PCDHA4: variants seen among roughly 807,000 people sequenced by gnomAD.
PCDHA4 encodes protocadherin alpha 4.
A neutral mutation model predicts 61.4 loss-of-function variants in PCDHA4; 49 were observed. That is an observed-to-expected ratio of 0.80 (90% CI 0.63 to 1.01). PCDHA4 has a LOEUF of 1.01. Ranked by LOEUF, PCDHA4 falls within the 50% of genes least tolerant of loss-of-function variation. The pLI, the probability that PCDHA4 is intolerant of heterozygous loss-of-function variation, is 0.00. For missense variants in PCDHA4, 1,254 were observed against 1,235.8 expected (o/e 1.01, Z -0.22); for synonymous variants, 590 against 550.3 (o/e 1.07, Z -1.01).
At chr5:140,946,631 T>TATACAC (rs57893927) in intron 1 of PCDHA4, among the ~76,000 whole-genome samples, 2 of 131,842 alleles carry the variant, frequency 1.5e-5, no homozygotes, top group Non-Finnish European at 3.1e-5. Flanking sequence ...TATATATATA[T>TATACAC]ACAATGGAAT....
chr5:140,930,769 T>G (rs1373924244), intron 1 of PCDHA4, among the ~76,000 whole-genome samples: 2 of 152,214 alleles, frequency 1.3e-5, no homozygotes, highest in Non-Finnish European at 2.9e-5. Context: ...TTTTCTGTAC[T>G]TAATATTTTC....
chr5:140,939,789 A>G (rs1259994967), intron 1 of PCDHA4, among the ~76,000 whole-genome samples: 1 of 152,246 alleles, frequency 6.6e-6, no homozygotes, highest in Non-Finnish European at 1.5e-5. Context: ...GTCAATTTCT[A>G]TAAATGTTCT....
chr5:140,858,149 G>C, intron 1 of PCDHA4: 1 of 1,597,572 alleles, frequency 6.3e-7, no homozygotes, highest in Non-Finnish European at 8.6e-7. Context: ...CCTGATCATC[G>C]CCATCTGCGC....
At chr5:140,827,002 C>T (rs1769143611) in intron 1 of PCDHA4, among the ~76,000 whole-genome samples, 2 of 152,060 alleles carry the variant, frequency 1.3e-5, no homozygotes, top group Non-Finnish European at 2.9e-5. Context: ...ATGGGAAATG[C>T]TCATGTCATT....
At chr5:140,816,978 A>G (rs1367187399) in intron 1 of PCDHA4, 1 of 152,086 alleles carries the variant, frequency 6.6e-6, no homozygotes, top group African/African-American at 2.4e-5. Flanking sequence ...GCCCACTAAA[A>G]TTCAGGAACT....
intron 1 of PCDHA4, chr5:140,927,923 CTCT>C: frequency 6.2e-7 from 1 of 1,614,232 alleles, no homozygotes; most frequent in East Asian, 2.2e-5. Context: ...GACTTCCTGA[CTCT>C]TTCGAACCCA....
At chr5:140,966,568 G>A (rs2096022635) in intron 1 of PCDHA4, 1 of 499,094 alleles carries the variant, frequency 2.0e-6, no homozygotes, top group African/African-American at 2.0e-5. Flanking sequence ...CTGGAATATG[G>A]GGAGTCAGCG....
At chr5:140,892,013 C>T (rs2063353338) in intron 1 of PCDHA4, among the ~76,000 whole-genome samples, 1 of 152,206 alleles carries the variant, frequency 6.6e-6, no homozygotes, top group South Asian at 2.1e-4. Context: ...GTTATAGCAG[C>T]ACAAATGGTC....
rs2097783097 is a variant in PCDHA4, at chr5:140,997,727, C to T, written c.2534-11900C>T. Reference sequence around the variant, plus strand: ...TAACAAACACCTTTCTACGTCAGTACATATAGATTTGCCACAATCTTCTTG... The same window carrying T: ...TAACAAACACCTTTCTACGTCAGTATATATAGATTTGCCACAATCTTCTTG... On this transcript the variant is annotated intron_variant, in intron 3 of 3. Coordinates refer to ENST00000530339, the MANE Select transcript of PCDHA4 (RefSeq NM_018907.4). Among the ~76,000 whole-genome samples the T allele has an allele frequency of 2.0e-5, 3 of 151,244 alleles. No individual in the cohort carries two copies. In the South Asian group the frequency reaches 6.3e-4, roughly 32 times the overall value.
intron 1 of PCDHA4, chr5:140,842,209 T>C (rs1777791559): frequency 6.2e-7 from 1 of 1,613,490 alleles, no homozygotes. Flanking sequence ...TTAGCATAGA[T>C]CGAAATACGG....
In PCDHA4 at chr5:140,927,810, GGAGGCATACATT is replaced by G. The variant is rs782126534; in HGVS notation, c.2386-51133_2386-51122del. Reference sequence around the variant, plus strand: ...CACTAGGTCCGCCTGAAACGCTCTTGGAGGCATACATTGAGGCGAGGGACGAAGGTGTCTTTG... The same window carrying G: ...CACTAGGTCCGCCTGAAACGCTCTTGGAGGCGAGGGACGAAGGTGTCTTTG... On this transcript the variant is annotated intron_variant, in intron 1 of 3. Transcript: ENST00000530339. 3.7e-6 allele frequency: 6 copies of G among 1,614,082 alleles called. No individual in the cohort carries two copies. The South Asian group carries it at 6.6e-5, about 18-fold the overall frequency.
At chr5:140,926,771 A>C (rs2083548742) in intron 1 of PCDHA4, 11 of 1,372,492 alleles carry the variant, frequency 8.0e-6, no homozygotes, top group Non-Finnish European at 1.0e-5. Context: ...TCCAGCCCGC[A>C]GCAGTGACGG....
chr5:140,860,055 A>C (rs1466399941), intron 1 of PCDHA4: 6 of 151,228 alleles, frequency 4.0e-5, no homozygotes, highest in Admixed American at 3.3e-4. Flanking sequence ...TTGAGAGGCC[A>C]AGGTGGGAGG....
In PCDHA4 at chr5:140,807,877, C is replaced by T. The variant is rs1764050861; in HGVS notation, c.690C>T (p.Ile230=). The change falls in exon 1 of 4, where the codon ATC becomes ATT. Residue 230 remains isoleucine (I), a synonymous_variant. Transcript: ENST00000530339. ...TGACTGGCACCGTTCAGTTACTCAT[C>T]ACAGTACTGGATGCCAATGACAATG... ...PELTGTVQLL[I]TVLDANDNAP... 6.2e-7 allele frequency: 1 copy of T among 1,613,990 alleles called. No homozygotes were observed. Among genetic ancestry groups the T allele is most frequent in the Non-Finnish European group, 8.5e-7 (1 of 1,179,970 alleles).
intron 1 of PCDHA4, chr5:140,823,622 G>A: frequency 6.2e-7 from 1 of 1,614,026 alleles, no homozygotes; most frequent in Middle Eastern, 1.7e-4. Context: ...GCGCCTGGCA[G>A]TGCGCGCATC....
rs1263646925 is a variant in PCDHA4 at position 140,846,355 on chromosome 5, C to T, written c.2385+36783C>T. Among the ~76,000 whole-genome samples, 7 of 133,762 alleles carry T rather than the reference C, an allele frequency of 5.2e-5. 1 individual carries two copies. The highest frequency in any genetic ancestry group is 8.2e-5 in the Non-Finnish European group (5 of 61,048). The allele number at this position is 133,762 out of a possible 152,430, so 87.8% of individuals were successfully genotyped here. A position where few individuals can be genotyped will look rare whatever the true frequency, so the allele number is the denominator to read the frequency against. The stretch of plus-strand genomic sequence containing the variant: ...CCTTTTAAAGTGCTTTCTCTTTTTT[C>T]TTTTCTTTTCTTTCTTTCTTTTTTT... On this transcript the variant is annotated intron_variant, in intron 1 of 3. Transcript: ENST00000530339.
Position 140,848,296 on chromosome 5 carries a change from G to T in PCDHA4, c.2385+38724G>T, listed in dbSNP as rs181978789. 1.7e-5 allele frequency: 11 copies of T among 652,922 alleles called. No individual in the cohort carries two copies. The East Asian group carries it at 2.5e-4, about 15-fold the overall frequency. 40.4% of individuals were successfully genotyped at this position (652,922 alleles called of 1,614,324 possible). ...AATATGTACTTACACTTTGGGCCACGTGATGTCACTCTTTGCCGCGATGTT... is the reference window on the plus strand; with the variant it reads ...AATATGTACTTACACTTTGGGCCACTTGATGTCACTCTTTGCCGCGATGTT... On this transcript the variant is annotated intron_variant, in intron 1 of 3. Coordinates refer to ENST00000530339, the MANE Select transcript of PCDHA4 (RefSeq NM_018907.4).
chr5:140,842,111 C>T, intron 1 of PCDHA4: 1 of 1,613,876 alleles, frequency 6.2e-7, no homozygotes, highest in Non-Finnish European at 8.5e-7. Context: ...AGTTATCAAA[C>T]TGAATGCTTC....
chr5:140,885,792 C>T (rs2060715375), intron 1 of PCDHA4, among the ~76,000 whole-genome samples: 1 of 151,834 alleles, frequency 6.6e-6, no homozygotes, highest in Non-Finnish European at 1.5e-5. Context: ...AGCATATTGT[C>T]ATATGTATTT....
Sources: allele counts gnomAD v4.1 joint callset (sites outside exome capture counted in the v4.1 genomes callset), GRCh38; gene constraint gnomAD v4.1.1; transcripts MANE v1.5; gene names NCBI Gene and HGNC (gene_info 2026-07-23, HGNC 2026-07-21).